SEMA4D: variants seen among roughly 807,000 people sequenced by gnomAD.
The protein encoded by SEMA4D is semaphorin 4D.
In SEMA4D, 22 loss-of-function variants were observed where a neutral mutation model predicts 74.8. That is an observed-to-expected ratio of 0.29 (90% CI 0.21 to 0.42). The LOEUF is 0.42. SEMA4D is among the 10% of genes least tolerant of loss of function. The probability of loss-of-function intolerance (pLI) is 1.00; values close to 1 mark genes in which losing one functional copy is unlikely to be tolerated. For missense variants in SEMA4D, 937 were observed against 1,118.4 expected (o/e 0.84, Z 2.31); for synonymous variants, 445 against 463.7 (o/e 0.96, Z 0.52).
chr9:89,437,418 A>C (rs1453321533), intron 2 of SEMA4D, among the ~76,000 whole-genome samples: 3 of 152,200 alleles, frequency 2.0e-5, no homozygotes, highest in Non-Finnish European at 2.9e-5. Flanking sequence ...GACAAGCAGC[A>C]GGGCAGGTGT....
rs1836427307 is a variant in SEMA4D at position 89,379,205 on chromosome 9, G to A, written c.2088C>T (p.Thr696=). The part of the protein sequence containing the change: ...AVQATSSGAI[T]LPPKPAPTGT... ...CGGTGGGCGCAGGCTTGGGAGGAAG[G>A]GTGATGGCCCCGGAGGAGGTGGCCT... is the stretch of plus-strand genomic sequence containing the variant. The change falls in exon 16 of 16, where the codon ACC becomes ACT. Residue 696 remains threonine (T), a synonymous_variant. Coordinates refer to ENST00000422704, the MANE Select transcript of SEMA4D (RefSeq NM_001371194.2). 1.9e-6 allele frequency: 3 copies of A among 1,613,958 alleles called. No homozygotes were observed. Among genetic ancestry groups the A allele is most frequent in the African/African-American group, 1.3e-5 (1 of 74,922 alleles).
chr9:89,370,714 CTATG>C (rs924255815), intron 16 of SEMA4D, among the ~76,000 whole-genome samples: 16 of 127,908 alleles, frequency 1.3e-4, no homozygotes, highest in African/African-American at 2.8e-4. Flanking sequence ...CTAGCATAGT[CTATG>C]TAGTTTGTGG....
intron 6 of SEMA4D, among the ~76,000 whole-genome samples, chr9:89,395,125 A>T (rs1226671581): frequency 6.6e-6 from 1 of 152,190 alleles, no homozygotes; most frequent in Non-Finnish European, 1.5e-5. Context: ...AACTTTTATT[A>T]AAAATATTAG....
At chr9:89,394,729 G>A (rs1363219680) in intron 6 of SEMA4D, among the ~76,000 whole-genome samples, 1 of 152,234 alleles carries the variant, frequency 6.6e-6, no homozygotes, top group African/African-American at 2.4e-5. Flanking sequence ...AGTTAAAGCA[G>A]CACACAGCTC....
rs1855824660 is a variant in SEMA4D, at chr9:89,455,935, T to C, written c.-291A>G. The C allele has an allele frequency of 6.6e-6, 1 of 152,262 alleles. No homozygotes were observed. The highest frequency in any genetic ancestry group is 2.1e-4 in the South Asian group (1 of 4,834). The allele number at this position is 152,262 out of a possible 1,614,324, so 9.4% of individuals were successfully genotyped here. On this transcript the variant is annotated 5_prime_UTR_variant, in exon 2 of 16. It adds an upstream start codon to the 5' untranslated region. Coordinates refer to ENST00000422704, the MANE Select transcript of SEMA4D (RefSeq NM_001371194.2). ...ATTTCAGCACATGGTTTCTTTCCACTATCTGGTGTTAGCAGAGTCTGAAAC... is the reference window on the plus strand; with the variant it reads ...ATTTCAGCACATGGTTTCTTTCCACCATCTGGTGTTAGCAGAGTCTGAAAC...
downstream of SEMA4D, among the ~76,000 whole-genome samples, chr9:89,375,131 G>A (rs1320115046): frequency 6.6e-6 from 1 of 152,172 alleles, no homozygotes; most frequent in Non-Finnish European, 1.5e-5. Flanking sequence ...GGAGCCCTGG[G>A]TCCACGGCCA....
intron 4 of SEMA4D, among the ~76,000 whole-genome samples, chr9:89,399,809 C>T (rs566342300): frequency 6.6e-6 from 1 of 151,972 alleles, no homozygotes; most frequent in East Asian, 1.9e-4. Context: ...ACCAGCCTGG[C>T]CAACATGGTG....
intron 17 of SEMA4D, chr9:89,363,653 A>T: frequency 1.3e-6 from 2 of 1,593,330 alleles, no homozygotes; most frequent in Non-Finnish European, 1.7e-6. Context: ...CCGTGCAAGC[A>T]TGCTTTCCAG....
At chr9:89,417,451 A>G (rs1845956178) in intron 2 of SEMA4D, among the ~76,000 whole-genome samples, 1 of 152,264 alleles carries the variant, frequency 6.6e-6, no homozygotes, top group Admixed American at 6.5e-5. Flanking sequence ...ACTCTTTAAA[A>G]GCCAGCAGAA....
chr9:89,417,341 G>A (rs947498690), intron 2 of SEMA4D, among the ~76,000 whole-genome samples: 1 of 152,256 alleles, frequency 6.6e-6, no homozygotes, highest in African/African-American at 2.4e-5. Context: ...CTCCCTGGCA[G>A]TGATGCTGTG....
rs1037925443 is a variant in SEMA4D at position 89,450,143 on chromosome 9, C to T, written c.-244+5745G>A. The T allele has an allele frequency of 2.9e-5, 37 of 1,274,260 alleles. No individual in the cohort carries two copies. In the East Asian group the frequency reaches 5.1e-4, roughly 18 times the overall value. The allele number at this position is 1,274,260 out of a possible 1,614,324, so 78.9% of individuals were successfully genotyped here. The stretch of plus-strand genomic sequence containing the variant: ...CACACCAGCTGAAGCAGCATGTCAT[C>T]GATGGAGAAAAAACCATTACCCAGA... On this transcript the variant is annotated intron_variant, in intron 2 of 15. Transcript: ENST00000422704.
At chr9:89,427,569 C>T (rs1004159461) in intron 2 of SEMA4D, among the ~76,000 whole-genome samples, 13 of 152,220 alleles carry the variant, frequency 8.5e-5, no homozygotes, top group African/African-American at 4.8e-5. Flanking sequence ...ATCTCACTCA[C>T]GTTTCCCTGC....
In SEMA4D at chr9:89,484,153, G is replaced by A. The variant is rs977531511; in HGVS notation, c.-310+13766C>T. Among the ~76,000 whole-genome samples the A allele has an allele frequency of 5.9e-5, 9 of 152,204 alleles. No individual in the cohort carries two copies. The highest frequency in any genetic ancestry group is 1.3e-4 in the Non-Finnish European group (9 of 68,028). On this transcript the variant is annotated intron_variant, in intron 1 of 15. Coordinates refer to ENST00000422704, the MANE Select transcript of SEMA4D (RefSeq NM_001371194.2). This position sits in a 1 kb window ranked among gnomAD's most constrained non-coding sequence, Gnocchi z 4.1. Reference sequence around the variant, plus strand: ...TTAAAGAGGACGCCGCGGCCACCCCGCCCTGCAGGCCCACCTGCAGCTGGG... The same window carrying A: ...TTAAAGAGGACGCCGCGGCCACCCCACCCTGCAGGCCCACCTGCAGCTGGG...
At chr9:89,385,248 C>T in intron 13 of SEMA4D, 1 of 984,930 alleles carries the variant, frequency 1.0e-6, no homozygotes, top group Non-Finnish European at 1.2e-6. Flanking sequence ...CCCTAAGTGA[C>T]CCTTGGAACA....
chr9:89,448,015 T>C (rs1853400261), intron 2 of SEMA4D, among the ~76,000 whole-genome samples: 1 of 152,188 alleles, frequency 6.6e-6, no homozygotes, highest in South Asian at 2.1e-4. Context: ...TTGCATAGGG[T>C]CTTGCTCTGT....
chr9:89,445,567 A>C (rs1852614374), intron 2 of SEMA4D, among the ~76,000 whole-genome samples: 1 of 152,118 alleles, frequency 6.6e-6, no homozygotes. Context: ...TTCTTTGGTT[A>C]GTCAGGGTTC....
At chr9:89,382,287 G>A (rs1352062022) in intron 13 of SEMA4D, among the ~76,000 whole-genome samples, 1 of 152,208 alleles carries the variant, frequency 6.6e-6, no homozygotes, top group Non-Finnish European at 1.5e-5. Flanking sequence ...CTCTGCCCAG[G>A]GCATCTGCCT....
At chr9:89,446,888 A>G (rs1853021846) in intron 2 of SEMA4D, among the ~76,000 whole-genome samples, 1 of 152,156 alleles carries the variant, frequency 6.6e-6, no homozygotes, top group Non-Finnish European at 1.5e-5. Context: ...GGAGGACTCG[A>G]AGTCTCAGCT....
chr9:89,366,356 TATA>T (rs1453821062), intron 16 of SEMA4D, among the ~76,000 whole-genome samples: 1 of 152,226 alleles, frequency 6.6e-6, no homozygotes, highest in Non-Finnish European at 1.5e-5. Flanking sequence ...GCATTGCTTT[TATA>T]ATAATAATTT....
Sources: gnomAD v4.1 joint callset for allele counts (sites outside exome capture counted in the v4.1 genomes callset) on GRCh38, gnomAD v4.1.1 for gene constraint, Gnocchi (gnomAD v3.1) non-coding constraint, MANE v1.5 for transcripts, NCBI Gene and HGNC (gene_info 2026-07-23, HGNC 2026-07-21) for gene names.